BRAF: variants seen among roughly 807,000 people sequenced by gnomAD.
The protein encoded by BRAF is B-Raf proto-oncogene, serine/threonine kinase, also known as serine/threonine-protein kinase B-raf.
In BRAF, 16 loss-of-function variants were observed where a neutral mutation model predicts 104.6. The observed-to-expected ratio is 0.15, with a 90% CI of 0.10 to 0.23. BRAF has a LOEUF of 0.23. BRAF is among the 10% of genes least tolerant of loss of function. The pLI is 1.00. For synonymous variants in BRAF, 310 were observed against 341.6 expected (o/e 0.91, Z 1.02); for missense variants, 541 against 937.3 (o/e 0.58, Z 5.52).
chr7:140,808,188 T>A lies in BRAF; in HGVS notation c.609-126A>T. ...CAGTGAGGGAGGTTTGGCTCCCTAA[T>A]ATTCCATCGTTAGAAATTTAAATGG... On this transcript the variant is annotated intron_variant, in intron 4 of 19. Transcript: ENST00000644969. The A allele has an allele frequency of 4.1e-6, 3 of 733,572 alleles. No homozygotes were observed. The Admixed American group carries it at 6.0e-5, about 15-fold the overall frequency. 45.4% of individuals were successfully genotyped at this position (733,572 alleles called of 1,614,324 possible). A position where few individuals can be genotyped will look rare whatever the true frequency, so the allele number is the denominator to read the frequency against.
At chr7:140,847,538 G>A (rs370488682) in intron 2 of BRAF, among the ~76,000 whole-genome samples, 20 of 151,886 alleles carry the variant, frequency 1.3e-4, no homozygotes, top group Non-Finnish European at 1.9e-4. Context: ...AGCCAAGATC[G>A]TGCCACTGCA....
intron 1 of BRAF, among the ~76,000 whole-genome samples, chr7:140,857,553 A>C (rs1809938248): frequency 6.6e-6 from 1 of 152,200 alleles, no homozygotes. Context: ...AACCTAAATA[A>C]GCATTTAGGT....
intron 5 of BRAF, among the ~76,000 whole-genome samples, chr7:140,806,172 G>C (rs991499912): frequency 2.6e-5 from 4 of 152,012 alleles, no homozygotes; most frequent in African/African-American, 4.8e-5. Flanking sequence ...CCTCTGTTTA[G>C]GGTACTCTTT....
chr7:140,726,135 G>A lies in BRAF; in HGVS notation c.*359C>T, dbSNP rs1187434336. ...TTGATCTGGTGGTTAGAAGGGCAAA[G>A]TTGACTGGCAGACTTTCCATAGCAA... is the stretch of plus-strand genomic sequence containing the variant. On this transcript the variant is annotated 3_prime_UTR_variant, in exon 20 of 20. Transcript: ENST00000644969. The A allele has an allele frequency of 1.8e-6, 2 of 1,117,194 alleles. No individual in the cohort carries two copies. Among genetic ancestry groups the A allele is most frequent in the Non-Finnish European group, 2.2e-6 (2 of 913,632 alleles). 69.2% of individuals were successfully genotyped at this position (1,117,194 alleles called of 1,614,324 possible). A position where few individuals can be genotyped will look rare whatever the true frequency, so the allele number is the denominator to read the frequency against.
chr7:140,921,002 T>C (rs1025691706), intron 1 of BRAF, among the ~76,000 whole-genome samples: 2 of 152,188 alleles, frequency 1.3e-5, no homozygotes, highest in Non-Finnish European at 2.9e-5. Context: ...TGGACCTCAT[T>C]ATAAAGGAGA....
chr7:140,881,267 G>A (rs1812873264), intron 1 of BRAF, among the ~76,000 whole-genome samples: 2 of 152,164 alleles, frequency 1.3e-5, no homozygotes, highest in African/African-American at 4.8e-5. Flanking sequence ...TCAACTTAAA[G>A]TCACCAGCTG....
intron 1 of BRAF, among the ~76,000 whole-genome samples, chr7:140,897,849 A>C (rs768968127): frequency 8.5e-5 from 13 of 152,098 alleles, no homozygotes; most frequent in Admixed American, 7.9e-4. Context: ...TAAATAAATA[A>C]ATGAAAAGAC....
chr7:140,836,359 T>C (rs1350101501), intron 2 of BRAF: 1 of 152,010 alleles, frequency 6.6e-6, no homozygotes, highest in African/African-American at 2.4e-5. Context: ...CGCCATGCTA[T>C]CAAGTCTGAA....
intron 1 of BRAF, among the ~76,000 whole-genome samples, chr7:140,915,814 T>A (rs1000416891): frequency 6.6e-6 from 1 of 151,996 alleles, no homozygotes; most frequent in African/African-American, 2.4e-5. Context: ...TAGTTAAAAA[T>A]AGTCTGCCAA....
rs1239804683 is a variant in BRAF at position 140,909,839 on chromosome 7, C to A, written c.138+14727G>T. 3.0e-3 allele frequency among the ~76,000 whole-genome samples: 439 copies of A among 147,592 alleles called. 3 individuals carry two copies. The highest frequency in any genetic ancestry group is 9.9e-3 in the African/African-American group (374 of 37,884). On this transcript the variant is annotated intron_variant, in intron 1 of 19. Transcript: ENST00000644969. ...ACAACAACAACAACAACAACAACAA[C>A]AACAACAAAAAAGTGCCTCATACAC...
At chr7:140,887,194 C>T (rs917823144) in intron 1 of BRAF, among the ~76,000 whole-genome samples, 12 of 152,154 alleles carry the variant, frequency 7.9e-5, no homozygotes. Flanking sequence ...ACTGTAGTTC[C>T]AACTCCACAA....
chr7:140,914,884 A>G (rs925562205), intron 1 of BRAF, among the ~76,000 whole-genome samples: 5 of 148,622 alleles, frequency 3.4e-5, no homozygotes, highest in Non-Finnish European at 6.0e-5. Context: ...CCAAAAATAC[A>G]AAAAAATTAG....
intron 2 of BRAF, among the ~76,000 whole-genome samples, chr7:140,847,269 T>C (rs760134999): frequency 6.6e-6 from 1 of 151,990 alleles, no homozygotes; most frequent in African/African-American, 2.4e-5. Context: ...AGGCGGAGAT[T>C]GTTGGCCATT....
intron 8 of BRAF, among the ~76,000 whole-genome samples, chr7:140,792,783 GC>G (rs1439283782): frequency 1.3e-5 from 2 of 152,190 alleles, no homozygotes; most frequent in Admixed American, 6.5e-5. Context: ...ACAATGCATA[GC>G]CCACAGTTAT....
At chr7:140,880,449 CAA>C (rs1292645140) in intron 1 of BRAF, among the ~76,000 whole-genome samples, 5 of 152,050 alleles carry the variant, frequency 3.3e-5, no homozygotes, top group Non-Finnish European at 5.9e-5. Context: ...TTTGACCCCT[CAA>C]AGTCATCCAC....
At position 140,721,695 on chromosome 7, in the gene BRAF, T is replaced by C; in HGVS notation, c.*4799A>G. ...ATCAGTAATCCATCCCAGTATAACA[T>C]TTCAAGGATGTGCTGGAGACAATAC... On this transcript the variant is annotated 3_prime_UTR_variant, in exon 20 of 20. Transcript: ENST00000644969. 2 of 1,533,388 alleles carry C rather than the reference T, an allele frequency of 1.3e-6. No individual in the cohort carries two copies. The highest frequency in any genetic ancestry group is 4.9e-5 in the East Asian group (2 of 40,722). The allele number at this position is 1,533,388 out of a possible 1,614,324, so 95.0% of individuals were successfully genotyped here.
At chr7:140,875,258 C>T (rs1382556192) in intron 1 of BRAF, among the ~76,000 whole-genome samples, 1 of 152,084 alleles carries the variant, frequency 6.6e-6, no homozygotes, top group Admixed American at 6.6e-5. Flanking sequence ...AAAGCCTTCC[C>T]AAATCTGACA....
intron 3 of BRAF, among the ~76,000 whole-genome samples, chr7:140,831,886 A>G (rs1351059412): frequency 6.6e-6 from 1 of 152,214 alleles, no homozygotes; most frequent in Non-Finnish European, 1.5e-5. Flanking sequence ...TCTGACGACT[A>G]CCCAAGAGGC....
At chr7:140,824,636 ACTTT>A (rs1365814107) in intron 3 of BRAF, among the ~76,000 whole-genome samples, 2 of 151,280 alleles carry the variant, frequency 1.3e-5, no homozygotes. Flanking sequence ...TTTAGGACGG[ACTTT>A]CTATTTCTGA....
Sources: gnomAD v4.1 joint callset for allele counts (sites outside exome capture counted in the v4.1 genomes callset) on GRCh38, gnomAD v4.1.1 for gene constraint, MANE v1.5 for transcripts, NCBI Gene and HGNC (gene_info 2026-07-23, HGNC 2026-07-21) for gene names.